ATP13A3: variants seen among roughly 807,000 people sequenced by gnomAD.
ATP13A3 encodes ATPase 13A3.
ATP13A3 carries 59 observed loss-of-function variants against 158.1 expected under a neutral mutation model. That is an observed-to-expected ratio of 0.37 (90% CI 0.30 to 0.46). The LOEUF is 0.46. Ranked by LOEUF, ATP13A3 falls within the 20% of genes least tolerant of loss-of-function variation. The pLI is 1.00. For synonymous variants in ATP13A3, 491 were observed against 504.3 expected (o/e 0.97, Z 0.35); for missense variants, 1,166 against 1,525.2 (o/e 0.76, Z 3.92).
intron 8 of ATP13A3, among the ~76,000 whole-genome samples, chr3:194,455,541 TAC>T (rs1719165031): frequency 6.6e-6 from 1 of 152,184 alleles, no homozygotes. Context: ...TAAGCAACAT[TAC>T]ATGGCCACTC....
At chr3:194,487,938 G>T (rs1000909107), upstream of ATP13A3, 1 of 152,448 alleles carries the variant, frequency 6.6e-6, no homozygotes, top group African/African-American at 2.4e-5. Context: ...GGAGCCCTTA[G>T]TCCCTGGACA....
upstream of ATP13A3, chr3:194,487,322 A>G (rs1244856905): frequency 6.6e-6 from 1 of 152,218 alleles, no homozygotes; most frequent in Non-Finnish European, 1.5e-5. Flanking sequence ...CTCCCATTTT[A>G]TGAACAGGGA....
In ATP13A3 at chr3:194,462,149, T is replaced by C. The variant is rs375168836; in HGVS notation, c.42A>G (p.Glu14=). ...TAGAACAGCTGGTTACCATTTCATCTTCTTGACCCTGATTGATGGTCTTCC... is the reference window on the plus strand; with the variant it reads ...TAGAACAGCTGGTTACCATTTCATCCTCTTGACCCTGATTGATGGTCTTCC... ...EERKTINQGQ[E]DEMEIYGYNL... The change falls in exon 3 of 34, where the codon GAA becomes GAG. Residue 14 remains glutamate, a synonymous_variant. Coordinates refer to ENST00000645319, the MANE Select transcript of ATP13A3 (RefSeq NM_001367549.1). 5.8e-5 allele frequency: 93 copies of C among 1,614,010 alleles called. No homozygotes were observed. The highest frequency in any genetic ancestry group is 8.3e-5 in the Admixed American group (5 of 60,012).
At chr3:194,406,817 C>T (rs931710884) in intron 33 of ATP13A3, among the ~76,000 whole-genome samples, 1 of 152,110 alleles carries the variant, frequency 6.6e-6, no homozygotes, top group African/African-American at 2.4e-5. Context: ...TGTTTAATGT[C>T]AATTACGTCT....
intron 30 of ATP13A3, among the ~76,000 whole-genome samples, chr3:194,423,953 G>A (rs943775063): frequency 6.9e-5 from 10 of 145,632 alleles, no homozygotes; most frequent in African/African-American, 2.6e-4. Flanking sequence ...AAAAAAAAAA[G>A]CAATGTTTTT....
In ATP13A3 at chr3:194,435,055, C is replaced by T. The variant is rs187917253; in HGVS notation, c.2121-1159G>A. On this transcript the variant is annotated intron_variant, in intron 20 of 33. Transcript: ENST00000645319. Reference sequence around the variant, plus strand: ...ACTAGAATTTCAGACTTGGAATAACCAAATGATTTTTCTGACAAAATTCCA... The same window carrying T: ...ACTAGAATTTCAGACTTGGAATAACTAAATGATTTTTCTGACAAAATTCCA... Among the ~76,000 whole-genome samples the T allele has an allele frequency of 9.3e-4, 141 of 152,192 alleles. 1 individual carries two copies. The highest frequency in any genetic ancestry group is 3.3e-3 in the African/African-American group (138 of 41,520).
At chr3:194,457,067 A>C in intron 7 of ATP13A3, 27 bp downstream of exon 7, 1 of 1,562,616 alleles carries the variant, frequency 6.4e-7, no homozygotes, top group Non-Finnish European at 8.8e-7. Flanking sequence ...TTTTGAGAAG[A>C]TCTAACTTTA....
chr3:194,424,932 T>C (rs1173276602), intron 30 of ATP13A3, among the ~76,000 whole-genome samples: 1 of 152,222 alleles, frequency 6.6e-6, no homozygotes, highest in Non-Finnish European at 1.5e-5. Context: ...TAATACCTAC[T>C]GTTCCAACTG....
At chr3:194,427,042 T>A (rs370185762) in intron 29 of ATP13A3, 33 bp downstream of exon 29, 10 of 1,576,808 alleles carry the variant, frequency 6.3e-6, no homozygotes, top group Non-Finnish European at 8.6e-6. Context: ...GCACATATTT[T>A]ATATAGATTT....
intron 33 of ATP13A3, 148 bp from the exon 34 acceptor site, chr3:194,406,264 G>A: frequency 1.1e-6 from 1 of 905,654 alleles, no homozygotes. Context: ...AAAAATCCAT[G>A]TTAAAAAAAG....
chr3:194,445,023 G>A (rs1410638134), intron 14 of ATP13A3, among the ~76,000 whole-genome samples: 1 of 151,946 alleles, frequency 6.6e-6, no homozygotes, highest in Admixed American at 6.6e-5. Context: ...TCTGCGTAAG[G>A]GCAGAGAGGG....
Position 194,486,643 on chromosome 3 carries a change from G to C in ATP13A3, c.-166C>G, listed in dbSNP as rs926850383. 6.7e-6 allele frequency: 1 copy of C among 148,726 alleles called. No homozygotes were observed. Among genetic ancestry groups the C allele is most frequent in the African/African-American group, 2.4e-5 (1 of 40,918 alleles). 9.2% of individuals were successfully genotyped at this position (148,726 alleles called of 1,614,324 possible). On this transcript the variant is annotated 5_prime_UTR_variant, in exon 1 of 34. Transcript: ENST00000645319. ...GGCCGGACCAGCCCCAGGGACCGCGGGGGACCCGGCCGCCGCTGTCGCCGC... is the reference window on the plus strand; with the variant it reads ...GGCCGGACCAGCCCCAGGGACCGCGCGGGACCCGGCCGCCGCTGTCGCCGC...
At chr3:194,460,895 C>T (rs1577080068) in intron 3 of ATP13A3, 64 bp from the exon 4 acceptor site, 2 of 1,503,566 alleles carry the variant, frequency 1.3e-6, no homozygotes, top group South Asian at 2.5e-5. Context: ...CAGAGAAACA[C>T]ATTCCAAAGT....
upstream of ATP13A3, among the ~76,000 whole-genome samples, chr3:194,491,478 C>G (rs1721144417): frequency 6.6e-6 from 1 of 151,858 alleles, no homozygotes; most frequent in Non-Finnish European, 1.5e-5. Context: ...AATGCATGCC[C>G]CCTCATCTCT....
chr3:194,419,699 A>G (rs933975915), intron 31 of ATP13A3, 180 bp downstream of exon 31: 2 of 823,362 alleles, frequency 2.4e-6, no homozygotes, highest in African/African-American at 3.7e-5. Context: ...CCAGAAGCAG[A>G]GATTAAACAG....
intron 6 of ATP13A3, chr3:194,459,226 T>G (rs138767725): frequency 2.2e-6 from 1 of 450,274 alleles, no homozygotes; most frequent in African/African-American, 2.0e-5. Context: ...TCAGACTCAG[T>G]AGACTTTGGC....
chr3:194,441,199 A>G (rs753742795), intron 16 of ATP13A3, 112 bp downstream of exon 16: 19 of 842,092 alleles, frequency 2.3e-5, no homozygotes, highest in Non-Finnish European at 3.3e-5. Context: ...CTTTTAGGGT[A>G]CAAGATAGAC....
At chr3:194,488,540 AC>A (rs1721090369), upstream of ATP13A3, 1 of 152,108 alleles carries the variant, frequency 6.6e-6, no homozygotes, top group Non-Finnish European at 1.5e-5. This position sits in a 1 kb window ranked among gnomAD's most constrained non-coding sequence, Gnocchi z 4.1. Context: ...CCCAACTCTA[AC>A]CCTTCACCTT....
At chr3:194,476,857 C>T (rs1215044876) in intron 2 of ATP13A3, among the ~76,000 whole-genome samples, 2 of 151,294 alleles carry the variant, frequency 1.3e-5, no homozygotes, top group Non-Finnish European at 2.9e-5. Context: ...TCTTACAACG[C>T]ACAACATGAT....
Sources: allele counts gnomAD v4.1 joint callset (sites outside exome capture counted in the v4.1 genomes callset), GRCh38; gene constraint gnomAD v4.1.1; non-coding constraint Gnocchi (gnomAD v3.1); transcripts MANE v1.5; gene names NCBI Gene and HGNC (gene_info 2026-07-23, HGNC 2026-07-21).